Variants in PDE4D observed in about 807,000 individuals in gnomAD.
PDE4D encodes the protein phosphodiesterase 4D, also known as 3',5'-cyclic-AMP phosphodiesterase 4D.
PDE4D carries 24 observed loss-of-function variants against 87.4 expected under a neutral mutation model. That is an observed-to-expected ratio of 0.27 (90% CI 0.20 to 0.39). The LOEUF (loss-of-function observed/expected upper bound fraction) is 0.39, where lower values mean the gene tolerates loss of function less well. Ranked by LOEUF, PDE4D falls within the 10% of genes least tolerant of loss-of-function variation. The pLI, the probability that PDE4D is intolerant of heterozygous loss-of-function variation, is 1.00. For missense variants in PDE4D, 714 were observed against 1,041.0 expected (o/e 0.69, Z 4.32); for synonymous variants, 384 against 383.2 (o/e 1.00, Z -0.02).
intron 3 of PDE4D, among the ~76,000 whole-genome samples, chr5:59,948,131 G>A (rs1443015744): frequency 6.6e-6 from 1 of 152,172 alleles, no homozygotes; most frequent in African/African-American, 2.4e-5. Context: ...GTAGTTAATA[G>A]TGCCACTAAT....
intron 2 of PDE4D, among the ~76,000 whole-genome samples, chr5:59,994,315 A>G (rs1763313322): frequency 6.6e-6 from 1 of 151,616 alleles, no homozygotes. Context: ...GTATATATAC[A>G]TATACACACA....
intron 2 of PDE4D, among the ~76,000 whole-genome samples, chr5:60,006,188 T>C (rs1021560614): frequency 6.6e-6 from 1 of 151,884 alleles, no homozygotes; most frequent in African/African-American, 2.4e-5. Context: ...ACTAGTTGTA[T>C]ATCGAGAATT....
intron 2 of PDE4D, among the ~76,000 whole-genome samples, chr5:59,995,569 T>G (rs1184250732): frequency 6.6e-6 from 1 of 152,144 alleles, no homozygotes. Context: ...ATCCACCGCC[T>G]CGGCCTCCCA....
chr5:59,480,379 G>A (rs901228862), intron 1 of PDE4D, among the ~76,000 whole-genome samples: 2 of 152,030 alleles, frequency 1.3e-5, no homozygotes, highest in Non-Finnish European at 1.5e-5. Flanking sequence ...ATATTACAAT[G>A]AAGATAATGT....
chr5:60,106,108 A>G (rs1776879226), intron 2 of PDE4D, among the ~76,000 whole-genome samples: 1 of 152,012 alleles, frequency 6.6e-6, no homozygotes, highest in Non-Finnish European at 1.5e-5. Context: ...GTATTCAGGA[A>G]ACCCATCTCA....
chr5:59,726,886 C>T (rs6867830), intron 1 of PDE4D, among the ~76,000 whole-genome samples: 13,350 of 151,832 alleles, frequency 0.088, 983 homozygotes, highest in African/African-American at 0.2. Context: ...ACTATATAGC[C>T]ATCTAGTTTA....
intron 5 of PDE4D, chr5:59,039,395 GC>G: frequency 9.9e-7 from 1 of 1,010,454 alleles, no homozygotes; most frequent in Non-Finnish European, 1.2e-6. Context: ...CTGGTCCACA[GC>G]CGGATCTCCT....
At chr5:59,925,778 T>C (rs1024373392) in intron 3 of PDE4D, among the ~76,000 whole-genome samples, 3 of 152,210 alleles carry the variant, frequency 2.0e-5, no homozygotes, top group East Asian at 1.9e-4. Flanking sequence ...ACATGGTCAC[T>C]ATATAAGGAT....
intron 1 of PDE4D, among the ~76,000 whole-genome samples, chr5:59,291,719 T>G (rs1418186654): frequency 1.4e-5 from 2 of 144,370 alleles, no homozygotes; most frequent in Admixed American, 7.5e-5. Context: ...AAATTAAAAA[T>G]TAAAAAAAGT....
intron 1 of PDE4D, among the ~76,000 whole-genome samples, chr5:59,780,342 G>T (rs933272064): frequency 3.1e-4 from 47 of 152,316 alleles, no homozygotes; most frequent in African/African-American, 1.1e-3. Flanking sequence ...CTCCATCCTG[G>T]AAATGGGAAG....
chr5:60,466,551 A>G (rs976058337), intron 1 of PDE4D, among the ~76,000 whole-genome samples: 2 of 152,244 alleles, frequency 1.3e-5, no homozygotes, highest in African/African-American at 2.4e-5. Flanking sequence ...TTACAAATGC[A>G]TCTTTTTAAA....
At chr5:60,173,273 CT>C (rs1315508938) in intron 2 of PDE4D, among the ~76,000 whole-genome samples, 1 of 151,898 alleles carries the variant, frequency 6.6e-6, no homozygotes, top group African/African-American at 2.4e-5. Flanking sequence ...CTCACCTAAT[CT>C]GTCTAAGGCT....
chr5:60,179,248 C>T (rs140917106), intron 2 of PDE4D, among the ~76,000 whole-genome samples: 72 of 152,144 alleles, frequency 4.7e-4, no homozygotes, highest in African/African-American at 1.6e-3. Context: ...TATATACCAA[C>T]GAACCATTCT....
chr5:59,947,453 T>A (rs981912554), intron 3 of PDE4D, among the ~76,000 whole-genome samples: 4 of 152,152 alleles, frequency 2.6e-5, no homozygotes, highest in African/African-American at 9.7e-5. Context: ...GCCTACAGAT[T>A]GTAAGTCTTA....
intron 1 of PDE4D, among the ~76,000 whole-genome samples, chr5:60,333,388 C>T (rs1313188497): frequency 6.6e-6 from 1 of 152,176 alleles, no homozygotes; most frequent in South Asian, 2.1e-4. Flanking sequence ...CCTGTTCACA[C>T]TGCATATGGC....
chr5:59,018,730 T>C (rs1330851866), intron 6 of PDE4D, among the ~76,000 whole-genome samples: 1 of 152,120 alleles, frequency 6.6e-6, no homozygotes, highest in African/African-American at 2.4e-5. Flanking sequence ...AAAAGTGTTG[T>C]TCCCTAAAAC....
At chr5:59,816,058 A>G (rs1768939799) in intron 1 of PDE4D, among the ~76,000 whole-genome samples, 1 of 152,262 alleles carries the variant, frequency 6.6e-6, no homozygotes, top group Non-Finnish European at 1.5e-5. Context: ...AAAGACTGAA[A>G]GACCTGGCAG....
intron 1 of PDE4D, among the ~76,000 whole-genome samples, chr5:60,247,328 C>T (rs1022962267): frequency 6.6e-6 from 1 of 151,936 alleles, no homozygotes; most frequent in South Asian, 2.1e-4. Flanking sequence ...ATTAGACATG[C>T]AGTATTTCTA....
intron 1 of PDE4D, among the ~76,000 whole-genome samples, chr5:59,396,732 C>A (rs200664017): frequency 2.2e-5 from 2 of 89,338 alleles, no homozygotes; most frequent in African/African-American, 4.7e-5. Flanking sequence ...ACACATAACA[C>A]TATTAACTTT....
Sources: gnomAD v4.1 joint callset for allele counts (sites outside exome capture counted in the v4.1 genomes callset) on GRCh38, gnomAD v4.1.1 for gene constraint, MANE v1.5 for transcripts, NCBI Gene and HGNC (gene_info 2026-07-23, HGNC 2026-07-21) for gene names.